The following VPS13B variants were observed in gnomAD, a reference collection of about 807,000 sequenced individuals.
VPS13B encodes the protein intermembrane lipid transfer protein VPS13B.
A neutral mutation model predicts 426.4 loss-of-function variants in VPS13B; 285 were observed. The ratio of observed to expected loss-of-function variants is 0.67; its 90% CI spans 0.61 to 0.74. The LOEUF (loss-of-function observed/expected upper bound fraction) is 0.74. Ranked by LOEUF, VPS13B falls within the 30% of genes least tolerant of loss-of-function variation. The pLI, the probability that VPS13B is intolerant of heterozygous loss-of-function variation, is 0.00. For missense variants in VPS13B, 4,537 were observed against 4,782.6 expected, an observed-to-expected ratio of 0.95 and a Z score of 1.51; for synonymous variants, 1,676 against 1,676.4, an observed-to-expected ratio of 1.00 and a Z score of 0.01.
intron 23 of VPS13B, among the ~76,000 whole-genome samples, chr8:99,445,171 GCTTT>G (rs1817852696): frequency 2.0e-5 from 3 of 150,296 alleles, no homozygotes; most frequent in Non-Finnish European, 4.4e-5. Context: ...TTCCTTGATG[GCTTT>G]CTTTGTCATA....
rs186749940 is a variant in VPS13B, at chr8:99,820,685, T to G, written c.8994+563T>G. 7.2e-5 allele frequency among the ~76,000 whole-genome samples: 11 copies of G among 152,240 alleles called. No homozygotes were observed. In the East Asian group the frequency reaches 2.1e-3, roughly 29 times the overall value. Reference sequence around the variant, plus strand: ...ATCGCAGGAAAATTTTATATTTCTGTCACAAAACCTTCTTTATAAGGCTAG... The same window carrying G: ...ATCGCAGGAAAATTTTATATTTCTGGCACAAAACCTTCTTTATAAGGCTAG... On this transcript the variant is annotated intron_variant, in intron 49 of 61. Coordinates refer to ENST00000357162, the MANE Select transcript of VPS13B (RefSeq NM_152564.5).
rs1424660453 is a variant in VPS13B, at chr8:99,794,262, CT to C, written c.7941+9787del. Among the ~76,000 whole-genome samples, 4 of 152,262 alleles carry C rather than the reference CT, an allele frequency of 2.6e-5. No individual in the cohort carries two copies. In the South Asian group the frequency reaches 6.2e-4, roughly 24 times the overall value. The stretch of plus-strand genomic sequence containing the variant: ...TCTGATCTGGAGATATAAATTTGGC[CT>C]GTTATTGGTGCCTAACTAGAAGTGG... On this transcript the variant is annotated intron_variant, in intron 43 of 61. Transcript: ENST00000357162.
At chr8:99,640,066 G>GAAGAA (rs1563838997) in intron 33 of VPS13B, among the ~76,000 whole-genome samples, 14 of 124,234 alleles carry the variant, frequency 1.1e-4, no homozygotes, top group Admixed American at 3.2e-4. Flanking sequence ...GAAAAGAAAA[G>GAAGAA]AAAAGAAAAG....
chr8:99,267,723 CAA>C (rs553692541), intron 17 of VPS13B, among the ~76,000 whole-genome samples: 13 of 120,800 alleles, frequency 1.1e-4, no homozygotes, highest in Non-Finnish European at 8.8e-5. Flanking sequence ...GAGACTCCGT[CAA>C]AAAAAAAAAA....
rs1845019822 is a variant in VPS13B at position 99,074,545 on chromosome 8, ATGATGCTTATTTGTT to A, written c.292-21766_292-21752del. ...AAATTCTACCTGATTATAGTATATT[ATGATGCTTATTTGTT>A]GTTGGGTTCAGTTGGTTTGTATTTT... is the stretch of plus-strand genomic sequence containing the variant. On this transcript the variant is annotated intron_variant, in intron 3 of 61. Transcript: ENST00000357162. Among the ~76,000 whole-genome samples, 4 of 151,752 alleles carry A rather than the reference ATGATGCTTATTTGTT, an allele frequency of 2.6e-5. No homozygotes were observed. In the South Asian group the frequency reaches 6.2e-4, roughly 24 times the overall value.
intron 17 of VPS13B, chr8:99,233,969 C>T (rs934270790): frequency 2.0e-5 from 16 of 784,242 alleles, no homozygotes; most frequent in African/African-American, 5.1e-5. Flanking sequence ...GATGTCTACC[C>T]GGGACTGGGT....
At chr8:99,548,994 T>G (rs1464706837) in intron 30 of VPS13B, among the ~76,000 whole-genome samples, 1 of 152,124 alleles carries the variant, frequency 6.6e-6, no homozygotes, top group East Asian at 1.9e-4. Flanking sequence ...GGTCTACCTT[T>G]ATAATTTGTA....
At chr8:99,201,524 T>C (rs545746531) in intron 17 of VPS13B, among the ~76,000 whole-genome samples, 15 of 152,302 alleles carry the variant, frequency 9.8e-5, no homozygotes, top group African/African-American at 3.6e-4. Flanking sequence ...AAGTAAGAGA[T>C]AAATTTTGAG....
At chr8:99,390,100 ATT>A (rs796834281) in intron 20 of VPS13B, among the ~76,000 whole-genome samples, 6 of 144,094 alleles carry the variant, frequency 4.2e-5, no homozygotes, top group Admixed American at 7.0e-5. Flanking sequence ...CTCATTTTAA[ATT>A]TTTTTTTTTT....
intron 13 of VPS13B, among the ~76,000 whole-genome samples, chr8:99,146,787 T>C (rs905900092): frequency 2.0e-5 from 3 of 151,956 alleles, no homozygotes; most frequent in African/African-American, 7.3e-5. Flanking sequence ...TGCCCAGGCT[T>C]ATCTTGAACT....
At chr8:99,188,922 C>G (rs958961899) in intron 16 of VPS13B, among the ~76,000 whole-genome samples, 2 of 152,074 alleles carry the variant, frequency 1.3e-5, no homozygotes, top group African/African-American at 4.8e-5. Context: ...GGCTGTGTAT[C>G]TTGTTCTTGT....
chr8:99,627,993 T>C (rs1380596223), intron 33 of VPS13B, among the ~76,000 whole-genome samples: 2 of 152,190 alleles, frequency 1.3e-5, no homozygotes, highest in Non-Finnish European at 2.9e-5. Flanking sequence ...GAAAAGTAGT[T>C]TGAAAATCTC....
chr8:99,429,461 C>T (rs188496200), intron 21 of VPS13B: 4 of 151,810 alleles, frequency 2.6e-5, no homozygotes, highest in Admixed American at 2.6e-4. Flanking sequence ...TTTTTATAGT[C>T]GTTTATCTAT....
chr8:99,300,880 G>GT (rs34461801), intron 19 of VPS13B, among the ~76,000 whole-genome samples: 23,261 of 123,638 alleles, frequency 0.19, 2,259 homozygotes, highest in Non-Finnish European at 0.24. Context: ...ATTTAATATA[G>GT]TTTTTTTTTT....
intron 30 of VPS13B, among the ~76,000 whole-genome samples, chr8:99,531,204 C>T (rs1563779340): frequency 6.6e-6 from 1 of 152,114 alleles, no homozygotes; most frequent in Non-Finnish European, 1.5e-5. Context: ...CTTGAAGGTA[C>T]TTGAACATGC....
chr8:99,091,689 T>C (rs182114231), intron 3 of VPS13B: 65 of 152,320 alleles, frequency 4.3e-4, no homozygotes, highest in African/African-American at 1.3e-3. Context: ...AATGACTTTA[T>C]TTAGCTTTCT....
chr8:99,442,319 T>A (rs1435699734), intron 22 of VPS13B, 82 bp from the exon 23 acceptor site: 7 of 1,196,508 alleles, frequency 5.9e-6, no homozygotes, highest in Non-Finnish European at 7.4e-6. Flanking sequence ...TTTTTTTGGT[T>A]GTTTATTCTG....
At chr8:99,572,328 T>A (rs1043966645) in intron 31 of VPS13B, among the ~76,000 whole-genome samples, 1 of 152,344 alleles carries the variant, frequency 6.6e-6, no homozygotes, top group African/African-American at 2.4e-5. Flanking sequence ...TTTATTATTA[T>A]ACTTTAAGTT....
intron 3 of VPS13B, chr8:99,094,068 A>G (rs1441656827): frequency 6.6e-6 from 1 of 152,170 alleles, no homozygotes; most frequent in Non-Finnish European, 1.5e-5. Context: ...TGCCAGATTT[A>G]TTGGACTGCA....
Sources: gnomAD v4.1 joint callset for allele counts (sites outside exome capture counted in the v4.1 genomes callset) on GRCh38, gnomAD v4.1.1 for gene constraint, MANE v1.5 for transcripts, NCBI Gene and HGNC (gene_info 2026-07-23, HGNC 2026-07-21) for gene names.